Variants in KLHL2 observed in about 807,000 individuals in gnomAD.
KLHL2 encodes kelch-like protein 2.
KLHL2 carries 15 observed loss-of-function variants against 75.8 expected under a neutral mutation model. The ratio of observed to expected loss-of-function variants is 0.20; its 90% CI spans 0.13 to 0.30. KLHL2 has a LOEUF of 0.30. KLHL2 is among the 10% of genes least tolerant of loss of function. The probability of loss-of-function intolerance (pLI) is 1.00; values close to 1 mark genes in which losing one functional copy is unlikely to be tolerated. For missense variants in KLHL2, 381 were observed against 741.0 expected (o/e 0.51, Z 5.64); for synonymous variants, 214 against 251.9 (o/e 0.85, Z 1.42).
intron 5 of KLHL2, chr4:165,277,986 A>G: frequency 1.5e-6 from 2 of 1,300,584 alleles, no homozygotes; most frequent in Non-Finnish European, 2.2e-6. Flanking sequence ...GGTAGGTTTT[A>G]TGGAATACCT....
At chr4:165,285,709 G>C (rs1288211664) in intron 5 of KLHL2, among the ~76,000 whole-genome samples, 1 of 152,016 alleles carries the variant, frequency 6.6e-6, no homozygotes, top group East Asian at 1.9e-4. Context: ...GCCTGGCCCA[G>C]TGTGGATATA....
chr4:165,296,058 C>T (rs974458225), intron 6 of KLHL2, among the ~76,000 whole-genome samples: 6 of 152,310 alleles, frequency 3.9e-5, no homozygotes, highest in African/African-American at 1.2e-4. Flanking sequence ...ATTCTATGGT[C>T]AGAATTCATG....
chr4:165,258,395 C>T (rs1029680576), intron 4 of KLHL2, among the ~76,000 whole-genome samples: 7 of 105,532 alleles, frequency 6.6e-5, no homozygotes, highest in Admixed American at 4.3e-4. Context: ...TTAACTATGA[C>T]AAAAAAAAAA....
intron 1 of KLHL2, chr4:165,208,459 A>G (rs188525482): frequency 1.3e-5 from 2 of 152,282 alleles, no homozygotes; most frequent in Admixed American, 1.3e-4. Context: ...AGAACGTTTT[A>G]TCCAGAAATC....
At chr4:165,320,340 A>G (rs1379412990) in intron 14 of KLHL2, among the ~76,000 whole-genome samples, 2 of 152,232 alleles carry the variant, frequency 1.3e-5, no homozygotes, top group Non-Finnish European at 1.5e-5. Context: ...TTTTGACTGT[A>G]TAACAAGAAG....
chr4:165,306,287 T>G (rs1560824685), intron 9 of KLHL2, among the ~76,000 whole-genome samples: 1 of 152,242 alleles, frequency 6.6e-6, no homozygotes, highest in Non-Finnish European at 1.5e-5. Flanking sequence ...ATGGTAGTAC[T>G]TTAACAATAC....
At chr4:165,321,593 TTGAC>T (rs1746986006) in intron 14 of KLHL2, among the ~76,000 whole-genome samples, 5 of 152,196 alleles carry the variant, frequency 3.3e-5, no homozygotes, top group Admixed American at 3.3e-4. Flanking sequence ...ACATGGGTTT[TTGAC>T]TGCGTGGAGG....
intron 3 of KLHL2, among the ~76,000 whole-genome samples, chr4:165,235,431 C>T (rs1223837175): frequency 6.6e-6 from 1 of 152,206 alleles, no homozygotes; most frequent in African/African-American, 2.4e-5. Flanking sequence ...GGACTCCTGA[C>T]CTCACATGAT....
Position 165,207,990 on chromosome 4 carries a change from C to A in KLHL2, c.26+88C>A. ...CCGGCCGCGGGCGCAGCTCTGGGGA[C>A]AGCCGCCGGGGCCGGCGGGAGGTGG... is the stretch of plus-strand genomic sequence containing the variant. On this transcript the variant is annotated intron_variant, in intron 1 of 14. Transcript: ENST00000226725. This position sits in a 1 kb window ranked among gnomAD's most constrained non-coding sequence, Gnocchi z 4.2. 1 of 989,368 alleles carries A rather than the reference C, an allele frequency of 1.0e-6. No homozygotes were observed. The highest frequency in any genetic ancestry group is 1.3e-6 in the Non-Finnish European group (1 of 777,140). 61.3% of individuals were successfully genotyped at this position (989,368 alleles called of 1,614,324 possible).
chr4:165,230,672 G>A (rs1477497555), intron 3 of KLHL2, among the ~76,000 whole-genome samples: 1 of 151,618 alleles, frequency 6.6e-6, no homozygotes, highest in East Asian at 1.9e-4. Flanking sequence ...CCCCTCAAAT[G>A]GCTTTGGAGA....
At chr4:165,311,918 A>G (rs1340104838) in intron 11 of KLHL2, among the ~76,000 whole-genome samples, 1 of 151,446 alleles carries the variant, frequency 6.6e-6, no homozygotes, top group Non-Finnish European at 1.5e-5. Flanking sequence ...AGCAGTCCCC[A>G]ACCTTTTTGG....
At chr4:165,215,033 AT>A (rs1737444987) in intron 1 of KLHL2, among the ~76,000 whole-genome samples, 1 of 152,158 alleles carries the variant, frequency 6.6e-6, no homozygotes, top group African/African-American at 2.4e-5. Flanking sequence ...AAATGTTAAC[AT>A]TTTTAAAAAG....
At chr4:165,257,718 C>T (rs1301531795) in intron 4 of KLHL2, among the ~76,000 whole-genome samples, 1 of 152,074 alleles carries the variant, frequency 6.6e-6, no homozygotes, top group Non-Finnish European at 1.5e-5. Flanking sequence ...AATAGAAATA[C>T]ACATGGGAGT....
At chr4:165,251,082 A>C (rs1321078987) in intron 4 of KLHL2, among the ~76,000 whole-genome samples, 1 of 78,518 alleles carries the variant, frequency 1.3e-5, no homozygotes, top group East Asian at 2.5e-4. Context: ...CTTTGTGAGT[A>C]AAAAAGGGTT....
rs559476299 is a variant in KLHL2 at position 165,254,723 on chromosome 4, A to G, written c.382-8474A>G. ...TTATAAAATGCACTCTCATGGTTCT[A>G]TATTCGCTTGATAACTAATGAGGCA... On this transcript the variant is annotated intron_variant, in intron 4 of 14. Coordinates refer to ENST00000226725, the MANE Select transcript of KLHL2 (RefSeq NM_007246.4). Among the ~76,000 whole-genome samples the G allele has an allele frequency of 5.3e-5, 8 of 152,348 alleles. No homozygotes were observed. The South Asian group carries it at 1.2e-3, about 24-fold the overall frequency.
Position 165,311,513 on chromosome 4 carries a change from T to C in KLHL2, c.1287T>C (p.His429=), listed in dbSNP as rs1337314065. 6.2e-7 allele frequency: 1 copy of C among 1,614,114 alleles called. No homozygotes were observed. The highest frequency in any genetic ancestry group is 1.1e-5 in the South Asian group (1 of 91,082). ...ACATAAAGTCTAATGAGTGGTTTCA[T>C]GTAGCTCCCATGAATACAAGGAGGA... is the stretch of plus-strand genomic sequence containing the variant. ...AYNIKSNEWF[H]VAPMNTRRSS... is the part of the protein sequence containing the mutation. The change falls in exon 11 of 15, where the codon CAT becomes CAC. Residue 429 remains histidine (H), a synonymous_variant. Transcript: ENST00000226725.
At chr4:165,308,131 C>T (rs148733753) in intron 9 of KLHL2, among the ~76,000 whole-genome samples, 28 of 152,246 alleles carry the variant, frequency 1.8e-4, no homozygotes, top group African/African-American at 6.0e-4. Flanking sequence ...GATAGGACTC[C>T]TGTCTTCTTT....
Position 165,300,299 on chromosome 4 carries a change from GAA to G in KLHL2, c.921+657_921+658del, listed in dbSNP as rs557406496. ...TGTGACAGGCTCTGTCTCAAAAAAA[GAA>G]AAAAAAAAAAAAAGAATTATTTTGT... On this transcript the variant is annotated intron_variant, in intron 8 of 14. Transcript: ENST00000226725. Among the ~76,000 whole-genome samples the G allele has an allele frequency of 3.5e-3, 300 of 86,874 alleles. 2 individuals carry two copies. The highest frequency in any genetic ancestry group is 0.011 in the African/African-American group (260 of 23,116). The allele number at this position is 86,874 out of a possible 152,430, so 57.0% of individuals were successfully genotyped here.
chr4:165,249,456 A>G (rs1740513875), intron 4 of KLHL2, among the ~76,000 whole-genome samples: 1 of 152,242 alleles, frequency 6.6e-6, no homozygotes, highest in Admixed American at 6.5e-5. Context: ...GGGAATCACA[A>G]GGAAAGGGAA....
Sources: gnomAD v4.1 joint callset for allele counts (sites outside exome capture counted in the v4.1 genomes callset) on GRCh38, gnomAD v4.1.1 for gene constraint, Gnocchi (gnomAD v3.1) non-coding constraint, MANE v1.5 for transcripts, NCBI Gene and HGNC (gene_info 2026-07-23, HGNC 2026-07-21) for gene names.